The following TRIOBP variants were observed in gnomAD, a reference collection of about 807,000 sequenced individuals.
TRIOBP encodes TRIO and F-actin-binding protein.
Under a neutral mutation model 238.8 loss-of-function variants are expected in TRIOBP, and 169 were observed. The ratio of observed to expected loss-of-function variants is 0.71; its 90% CI spans 0.62 to 0.80. The LOEUF (loss-of-function observed/expected upper bound fraction) is 0.80. Among genes scored for constraint, TRIOBP ranks in the 30% least tolerant of loss-of-function variants. The probability of loss-of-function intolerance (pLI) is 0.00; values close to 1 mark genes in which losing one functional copy is unlikely to be tolerated. For synonymous variants in TRIOBP, 1,150 were observed against 1,274.4 expected (o/e 0.90, Z 2.08); for missense variants, 2,838 against 3,122.6 (o/e 0.91, Z 2.17).
At chr22:37,730,533 A>G (rs1241482412) in intron 7 of TRIOBP, among the ~76,000 whole-genome samples, 1 of 152,018 alleles carries the variant, frequency 6.6e-6, no homozygotes, top group Non-Finnish European at 1.5e-5. Context: ...GGAACAGCCC[A>G]CTGGGTCACG....
At chr22:37,740,870 G>A in intron 10 of TRIOBP, 25 bp from the exon 11 acceptor site, 2 of 1,562,180 alleles carry the variant, frequency 1.3e-6, no homozygotes, top group South Asian at 2.4e-5. Flanking sequence ...GGGACCTGGG[G>A]CCAACACTGG....
intron 21 of TRIOBP, 31 bp downstream of exon 21, chr22:37,769,406 A>G: frequency 3.2e-6 from 5 of 1,554,200 alleles, no homozygotes; most frequent in Non-Finnish European, 4.3e-6. Context: ...CAGGCAGCCC[A>G]GTGGTTCTCG....
chr22:37,703,284 G>A (rs534528080), intron 3 of TRIOBP, among the ~76,000 whole-genome samples: 3 of 151,926 alleles, frequency 2.0e-5, no homozygotes, highest in South Asian at 2.1e-4. Flanking sequence ...GTGAGCCACC[G>A]CGCCTGGCCG....
In TRIOBP at chr22:37,767,993, A is replaced by G; in HGVS notation, c.6473-81A>G. On this transcript the variant is annotated intron_variant, in intron 18 of 23. Coordinates refer to ENST00000644935, the MANE Select transcript of TRIOBP (RefSeq NM_001039141.3). Reference sequence around the variant, plus strand: ...AGTCCACATAGTACTCCACCAGTACATGTGGCGTCTCAGAGCTGGTGGCAC... The same window carrying G: ...AGTCCACATAGTACTCCACCAGTACGTGTGGCGTCTCAGAGCTGGTGGCAC... 5 of 1,039,032 alleles carry G rather than the reference A, an allele frequency of 4.8e-6. No homozygotes were observed. In the South Asian group the frequency reaches 6.8e-5, roughly 14 times the overall value. 64.4% of individuals were successfully genotyped at this position (1,039,032 alleles called of 1,614,324 possible). A position where few individuals can be genotyped will look rare whatever the true frequency, so the allele number is the denominator to read the frequency against.
At chr22:37,727,261 T>G (rs924003255) in intron 7 of TRIOBP, among the ~76,000 whole-genome samples, 1 of 151,700 alleles carries the variant, frequency 6.6e-6, no homozygotes, top group African/African-American at 2.4e-5. Flanking sequence ...GGTTTTTTTT[T>G]TTTTTCTTCC....
At chr22:37,761,698 G>C (rs530889332) in intron 17 of TRIOBP, among the ~76,000 whole-genome samples, 123 of 152,292 alleles carry the variant, frequency 8.1e-4, no homozygotes, top group African/African-American at 2.9e-3. Context: ...TGAGGCTGGG[G>C]CTGCTGCTCC....
Position 37,734,712 on chromosome 22 carries a change from G to A in TRIOBP, c.4376G>A (p.Trp1459Ter), listed in dbSNP as rs1215991486. Residue 1459 changes from tryptophan (W) to a stop codon, truncating the protein, a stop_gained, in exon 9 of 24, where the codon TGG (tryptophan) becomes TAG (stop). Coordinates refer to ENST00000644935, the MANE Select transcript of TRIOBP (RefSeq NM_001039141.3). LOFTEE classifies it high-confidence loss of function. Reference sequence around the variant, plus strand: ...GAGGGAGGCCTGGGCCCTGGGGGCTGGTGGGGATGTGGAGAGCCCAGCCTG... The same window carrying A: ...GAGGGAGGCCTGGGCCCTGGGGGCTAGTGGGGATGTGGAGAGCCCAGCCTG... ...SQEGGLGPGG[W>*]WGCGEPSLGA... 1.2e-6 allele frequency: 2 copies of A among 1,608,572 alleles called. No individual in the cohort carries two copies. The highest frequency in any genetic ancestry group is 2.2e-5 in the South Asian group (2 of 90,498).
At chr22:37,768,948 C>G in intron 19 of TRIOBP, 80 bp from the exon 20 acceptor site, 1 of 1,602,966 alleles carries the variant, frequency 6.2e-7, no homozygotes, top group East Asian at 2.2e-5. Context: ...TCCTGGGATG[C>G]TTTAAGTCTA....
At chr22:37,743,789 AAGAG>A (rs1169745724) in intron 11 of TRIOBP, among the ~76,000 whole-genome samples, 12 of 106,240 alleles carry the variant, frequency 1.1e-4, no homozygotes, top group African/African-American at 3.6e-4. Flanking sequence ...GAAGGGGAGA[AAGAG>A]AGAGAGAATG....
intron 11 of TRIOBP, among the ~76,000 whole-genome samples, chr22:37,745,999 C>CTCCGGCCGCCACCGCCA (rs1925213179): frequency 6.7e-6 from 1 of 150,070 alleles, no homozygotes; most frequent in Non-Finnish European, 1.5e-5. Flanking sequence ...CCCGCCCGCC[C>CTCCGGCCGCCACCGCCA]TCCGGCCGCC....
rs1129448 is a variant in TRIOBP, at chr22:37,774,019, G to A, written c.*239G>A. ...ACACACACACACTGCATATCTGAGC[G>A]CGCCCCTCGCACTGGGTCTCACCTT... On this transcript the variant is annotated 3_prime_UTR_variant, in exon 24 of 24. Coordinates refer to ENST00000644935, the MANE Select transcript of TRIOBP (RefSeq NM_001039141.3). 84,526 of 150,830 alleles carry A rather than the reference G, an allele frequency of 0.56. 24,280 individuals carry two copies. The highest frequency in any genetic ancestry group is 0.7 in the East Asian group (3,576 of 5,116). 9.3% of individuals were successfully genotyped at this position (150,830 alleles called of 1,614,324 possible).
At chr22:37,710,648 C>A in intron 4 of TRIOBP, 82 bp downstream of exon 4, 1 of 1,515,970 alleles carries the variant, frequency 6.6e-7, no homozygotes, top group Admixed American at 2.0e-5. Context: ...TTCCCCAAGG[C>A]AGCACCTGTC....
At chr22:37,766,220 T>C (rs899945744) in intron 18 of TRIOBP, among the ~76,000 whole-genome samples, 23 of 152,194 alleles carry the variant, frequency 1.5e-4, no homozygotes, top group African/African-American at 5.5e-4. Flanking sequence ...CAGGGGAAGG[T>C]GTGAGCATTG....
chr22:37,759,750 A>G (rs1926145499), intron 17 of TRIOBP: 1 of 1,426,412 alleles, frequency 7.0e-7, no homozygotes, highest in Admixed American at 2.6e-5. Context: ...CGCCTAGGAC[A>G]GCGGTTCTCA....
intron 3 of TRIOBP, among the ~76,000 whole-genome samples, chr22:37,704,443 A>G (rs540496889): frequency 1.2e-5 from 1 of 82,056 alleles, no homozygotes; most frequent in African/African-American, 3.4e-5. Context: ...AGAACAGTAC[A>G]GAAAACAGGG....
intron 6 of TRIOBP, among the ~76,000 whole-genome samples, chr22:37,719,359 G>T (rs1923703480): frequency 6.6e-6 from 1 of 152,052 alleles, no homozygotes; most frequent in Admixed American, 6.6e-5. Context: ...TGGGTAGATG[G>T]TGTGCCCTTT....
chr22:37,759,799 T>C, intron 17 of TRIOBP: 5 of 1,340,834 alleles, frequency 3.7e-6, no homozygotes, highest in Non-Finnish European at 4.8e-6. Context: ...CATTTGGCTG[T>C]GTCTGGGAAT....
chr22:37,756,908 G>T (rs1433439667), intron 15 of TRIOBP, among the ~76,000 whole-genome samples: 3 of 152,188 alleles, frequency 2.0e-5, no homozygotes, highest in African/African-American at 7.2e-5. Context: ...TTGCCACTGT[G>T]AGCCTCGGGA....
At position 37,724,685 on chromosome 22, in the gene TRIOBP, C is replaced by T. The variant is rs770548327; in HGVS notation, c.2129C>T (p.Ser710Phe). Residue 710 changes from serine to phenylalanine, a missense_variant, in exon 7 of 24, where the codon TCT becomes TTT. By Grantham distance (155) the Ser-to-Phe change is radical (BLOSUM62 -2). This residue lies in a region of TRIOBP where 167 missense variants were observed against 200.2 expected (regional missense o/e 0.83). Coordinates refer to ENST00000644935, the MANE Select transcript of TRIOBP (RefSeq NM_001039141.3). ...CAACGGGACGATCCCAGAGCCTCCTCTCCTAACAGAACCACCCAACAAGAG... is the reference window on the plus strand; with the variant it reads ...CAACGGGACGATCCCAGAGCCTCCTTTCCTAACAGAACCACCCAACAAGAG... The part of the protein sequence containing the change: ...CAQRDDPRAS[S>F]PNRTTQQENP... The T allele has an allele frequency of 6.2e-7, 1 of 1,610,922 alleles. No homozygotes were observed. The highest frequency in any genetic ancestry group is 8.5e-7 in the Non-Finnish European group (1 of 1,178,060).
Sources: gnomAD v4.1 joint callset for allele counts (sites outside exome capture counted in the v4.1 genomes callset) on GRCh38, gnomAD v4.1.1 for gene constraint, gnomAD v4.1.1 regional missense constraint, MANE v1.5 for transcripts, NCBI Gene and HGNC (gene_info 2026-07-23, HGNC 2026-07-21) for gene names.